Variants in HARS1 observed in about 807,000 individuals in gnomAD.
HARS1 encodes histidine--tRNA ligase, cytoplasmic.
In HARS1, 45 loss-of-function variants were observed where a neutral mutation model predicts 63.6. The observed-to-expected ratio is 0.71, with a 90% CI of 0.56 to 0.91. The LOEUF (loss-of-function observed/expected upper bound fraction) is 0.91. Among genes scored for constraint, HARS1 ranks in the 40% least tolerant of loss-of-function variants. The pLI is 0.00. For synonymous variants in HARS1, 205 were observed against 247.1 expected (o/e 0.83, Z 1.60); for missense variants, 508 against 643.2 (o/e 0.79, Z 2.27).
At chr5:140,684,768 A>C (rs1414805870) in intron 2 of HARS1, 1 of 152,244 alleles carries the variant, frequency 6.6e-6, no homozygotes, top group Non-Finnish European at 1.5e-5. Flanking sequence ...GAACGGCAAA[A>C]ATTTTAAAAT....
At chr5:140,677,170 G>A (rs1157516218) in intron 8 of HARS1, 54 bp from the exon 9 acceptor site, 1 of 1,602,314 alleles carries the variant, frequency 6.2e-7, no homozygotes, top group Admixed American at 1.7e-5. Flanking sequence ...AAGGTAAGGA[G>A]GGTTGACCTT....
At position 140,684,469 on chromosome 5, in the gene HARS1, T is replaced by C. The variant is rs968479149; in HGVS notation, c.181-1250A>G. ...TTTTCTTTTAAATCTTAGTTACAAC[T>C]GTTTGTTCTCTAATTTGTTTCTGGT... On this transcript the variant is annotated intron_variant, in intron 2 of 12. Coordinates refer to ENST00000504156, the MANE Select transcript of HARS1 (RefSeq NM_002109.6). 2.1e-5 allele frequency: 20 copies of C among 944,304 alleles called. No individual in the cohort carries two copies. The African/African-American group carries it at 3.5e-4, about 17-fold the overall frequency. 58.5% of individuals were successfully genotyped at this position (944,304 alleles called of 1,614,324 possible).
At position 140,683,162 on chromosome 5, in the gene HARS1, T is replaced by C. The variant is rs1758821597; in HGVS notation, c.238A>G (p.Ile80Val). The C allele has an allele frequency of 1.2e-6, 2 of 1,613,734 alleles. No homozygotes were observed. Residue 80 changes from isoleucine (I) to valine (V), a missense_variant, in exon 3 of 13, where the codon ATC becomes GTC. Physicochemically the swap from Ile to Val is conservative, Grantham distance 29. This residue lies in a region of HARS1 where 403 missense variants were observed against 548.7 expected (regional missense o/e 0.73). Transcript: ENST00000504156. ...MAVREKVFDV[I>V]IRCFKRHGAE... The stretch of plus-strand genomic sequence containing the variant: ...CCGTGGCGCTTGAAGCAACGGATGA[T>C]TACGTCAAACACCTTCTCGCGAACT...
At chr5:140,690,377 A>G (rs1343276221) in intron 2 of HARS1, among the ~76,000 whole-genome samples, 2 of 152,124 alleles carry the variant, frequency 1.3e-5, no homozygotes, top group Non-Finnish European at 2.9e-5. Context: ...GCTTGAACCC[A>G]GGAGGCAGCG....
intron 7 of HARS1, 92 bp downstream of exon 7, chr5:140,677,563 G>C: frequency 9.3e-7 from 1 of 1,074,398 alleles, no homozygotes; most frequent in Non-Finnish European, 1.5e-6. Flanking sequence ...GGTGGGTATA[G>C]AGGCATGCAC....
chr5:140,676,763 C>T lies in HARS1; in HGVS notation c.1085G>A (p.Arg362His), dbSNP rs1366160962. 5.0e-6 allele frequency: 8 copies of T among 1,614,242 alleles called. No homozygotes were observed. The highest frequency in any genetic ancestry group is 5.9e-6 in the Non-Finnish European group (7 of 1,180,038). Residue 362 changes from arginine (R) to histidine (H), a missense_variant, in exon 10 of 13, where the codon CGC becomes CAC. Arg to His is a conservative substitution (Grantham distance 29). Coordinates refer to ENST00000504156, the MANE Select transcript of HARS1 (RefSeq NM_002109.6). This position sits in a 1 kb window ranked among gnomAD's most constrained non-coding sequence, Gnocchi z 4.1. ...LGVGSVAAGG[R>H]YDGLVGMFDP... ...GAACATGCCCACTAGCCCATCATAG[C>T]GTCCTCCAGCAGCCACACTGCCCAC...
chr5:140,680,915 A>T (rs1054807126), intron 3 of HARS1, among the ~76,000 whole-genome samples: 1 of 151,704 alleles, frequency 6.6e-6, no homozygotes, highest in African/African-American at 2.4e-5. Flanking sequence ...TTTAAAAAAA[A>T]GTATTTTTCT....
In HARS1 at chr5:140,679,871, C is replaced by T; in HGVS notation, c.313G>A (p.Gly105Arg). The change falls in exon 4 of 13, where the codon GGA (glycine) becomes AGA (arginine). Residue 105 changes from glycine to arginine, a missense_variant. By Grantham distance (125) the Gly-to-Arg change is moderately radical (BLOSUM62 -2). This residue lies in a region of HARS1 where 403 missense variants were observed against 548.7 expected (regional missense o/e 0.73). Transcript: ENST00000504156. The surrounding 1 kb of genome is among the most constrained non-coding windows in gnomAD (Gnocchi z 4.3). ...AGCTTGGAGTCTTCCCCATACTTTC[C>T]CATCAGTGTTTCCTGGAGAAAACAT... ...PVFELKETLM[G>R]KYGEDSKLIY... The T allele has an allele frequency of 6.3e-7, 1 of 1,589,356 alleles. No individual in the cohort carries two copies. Among genetic ancestry groups the T allele is most frequent in the Non-Finnish European group, 8.6e-7 (1 of 1,157,726 alleles).
Position 140,675,140 on chromosome 5 carries a change from A to G in HARS1, c.1195-7T>C, listed in dbSNP as rs1758289549. On this transcript the variant is annotated splice_polypyrimidine_tract_variant and splice_region_variant and intron_variant, in intron 10 of 12. Coordinates refer to ENST00000504156, the MANE Select transcript of HARS1 (RefSeq NM_002109.6). ...GTATCTTCTCCTCCAAAGCCTGGGG[A>G]AGGGGCAGATAAAAGAGAGCTGGGC... The G allele has an allele frequency of 3.2e-6, 5 of 1,564,888 alleles. No individual in the cohort carries two copies. Among genetic ancestry groups the G allele is most frequent in the Non-Finnish European group, 2.6e-6 (3 of 1,135,532 alleles).
chr5:140,677,583 TCTCA>T (rs1758458759), intron 7 of HARS1, 68 bp downstream of exon 7: 2 of 1,175,164 alleles, frequency 1.7e-6, no homozygotes, highest in African/African-American at 1.5e-5. Flanking sequence ...CCTCTCTCTC[TCTCA>T]ATCTTGTTTT....
intron 2 of HARS1, chr5:140,687,600 G>A (rs1196824867): frequency 1.3e-5 from 2 of 151,942 alleles, no homozygotes; most frequent in Admixed American, 6.6e-5. Context: ...ACATAGTTAA[G>A]TAAAACTGAA....
At position 140,674,149 on chromosome 5, in the gene HARS1, G is replaced by T. The variant is rs901169960; in HGVS notation, c.*108C>A. On this transcript the variant is annotated 3_prime_UTR_variant, in exon 13 of 13. Coordinates refer to ENST00000504156, the MANE Select transcript of HARS1 (RefSeq NM_002109.6). ...AGGCTCTGTTCTGACCACTCTTCAG[G>T]TCTTCCGCTGAAACGGAAAAGTGCA... 8 of 783,460 alleles carry T rather than the reference G, an allele frequency of 1.0e-5. No individual in the cohort carries two copies. The Admixed American group carries it at 1.1e-4, about 11-fold the overall frequency. The allele number at this position is 783,460 out of a possible 1,614,324, so 48.5% of individuals were successfully genotyped here. A position where few individuals can be genotyped will look rare whatever the true frequency, so the allele number is the denominator to read the frequency against.
In HARS1 at chr5:140,676,742, A is replaced by G. The variant is rs764631385; in HGVS notation, c.1106T>C (p.Met369Thr). 6.2e-7 allele frequency: 1 copy of G among 1,614,100 alleles called. No individual in the cohort carries two copies. Among genetic ancestry groups the G allele is most frequent in the South Asian group, 1.1e-5 (1 of 91,096 alleles). The change falls in exon 10 of 13, where the codon ATG (methionine) becomes ACG (threonine). Residue 369 changes from methionine to threonine, a missense_variant. Coordinates refer to ENST00000504156, the MANE Select transcript of HARS1 (RefSeq NM_002109.6). This position sits in a 1 kb window ranked among gnomAD's most constrained non-coding sequence, Gnocchi z 4.1. ...CACCTTGCGCCCTTTGGGGTCGAAC[A>G]TGCCCACTAGCCCATCATAGCGTCC... ...AGGRYDGLVG[M>T]FDPKGRKVPC...
In HARS1 at chr5:140,683,211, T is replaced by C. The variant is rs1490820133; in HGVS notation, c.189A>G (p.Arg63=). 3.1e-6 allele frequency: 5 copies of C among 1,613,680 alleles called. No individual in the cohort carries two copies. Among genetic ancestry groups the C allele is most frequent in the Non-Finnish European group, 4.2e-6 (5 of 1,179,802 alleles). Residue 63 remains arginine, a synonymous_variant, in exon 3 of 13, where the codon AGA becomes AGG. Coordinates refer to ENST00000504156, the MANE Select transcript of HARS1 (RefSeq NM_002109.6). ...CTGCCATCTGCCGGGGACTATAGTC[T>C]CTTGTGCCCTTGGAGTTGAAATCAG... ...KFVLKTPKGT[R]DYSPRQMAVR... is the part of the protein sequence containing the mutation.
At chr5:140,677,500 GT>G in intron 7 of HARS1, 80 bp from the exon 8 acceptor site, 1 of 1,221,022 alleles carries the variant, frequency 8.2e-7, no homozygotes, top group Non-Finnish European at 1.2e-6. Flanking sequence ...TCGGGGAACC[GT>G]TTTAGAGCAG....
At position 140,676,749 on chromosome 5, in the gene HARS1, C is replaced by G. The variant is rs1468024757; in HGVS notation, c.1099G>C (p.Val367Leu). 6.2e-7 allele frequency: 1 copy of G among 1,614,276 alleles called. No homozygotes were observed. Residue 367 changes from valine to leucine, a missense_variant, in exon 10 of 13, where the codon GTG becomes CTG. Val to Leu is a conservative substitution (Grantham distance 32). Around this residue, in one of 2 missense-constraint regions of HARS1, gnomAD observed 403 missense variants for 548.7 expected, o/e 0.73. Coordinates refer to ENST00000504156, the MANE Select transcript of HARS1 (RefSeq NM_002109.6). The surrounding 1 kb of genome is among the most constrained non-coding windows in gnomAD (Gnocchi z 4.1). ...VAAGGRYDGL[V>L]GMFDPKGRKV... ...CGCCCTTTGGGGTCGAACATGCCCA[C>G]TAGCCCATCATAGCGTCCTCCAGCA...
chr5:140,682,991 G>A (rs1758812586), intron 3 of HARS1, 109 bp downstream of exon 3: 5 of 978,274 alleles, frequency 5.1e-6, no homozygotes, highest in Non-Finnish European at 6.2e-6. Flanking sequence ...ACTGGTCTGT[G>A]TCCACAACAG....
At chr5:140,684,343 C>A (rs1003700024) in intron 2 of HARS1, 10 of 982,510 alleles carry the variant, frequency 1.0e-5, no homozygotes, top group African/African-American at 1.8e-5. Context: ...ATAATAACAA[C>A]AAAAAAATAC....
At chr5:140,677,190 A>T (rs11954514) in intron 8 of HARS1, 74 bp from the exon 9 acceptor site, 1 of 1,533,244 alleles carries the variant, frequency 6.5e-7, no homozygotes, top group Non-Finnish European at 9.0e-7. Flanking sequence ...TCTTGCCTGG[A>T]CTCTAGTCGC....
Sources: gnomAD v4.1 joint callset for allele counts (sites outside exome capture counted in the v4.1 genomes callset) on GRCh38, gnomAD v4.1.1 for gene constraint, gnomAD v4.1.1 regional missense constraint, Gnocchi (gnomAD v3.1) non-coding constraint, MANE v1.5 for transcripts, NCBI Gene and HGNC (gene_info 2026-07-23, HGNC 2026-07-21) for gene names.